Variants in LDB2 observed in about 807,000 individuals in gnomAD.
LDB2 encodes LIM domain binding 2, also known as LIM domain-binding protein 2.
A neutral mutation model predicts 44.3 loss-of-function variants in LDB2; 12 were observed. The ratio of observed to expected loss-of-function variants is 0.27; its 90% confidence interval spans 0.17 to 0.44. The LOEUF (loss-of-function observed/expected upper bound fraction) is 0.44. LDB2 is among the 20% of genes least tolerant of loss of function. LDB2 has a pLI of 1.00. For synonymous variants in LDB2, 164 were observed against 174.8 expected (o/e 0.94, Z 0.49); for missense variants, 344 against 473.5 (o/e 0.73, Z 2.54).
intron 2 of LDB2, among the ~76,000 whole-genome samples, chr4:16,661,395 G>C (rs1053878746): frequency 2.0e-5 from 3 of 152,160 alleles, no homozygotes; most frequent in Non-Finnish European, 4.4e-5. Flanking sequence ...AGAACTGGTT[G>C]AGAAATGGAC....
chr4:16,830,045 C>T (rs1321883805), intron 1 of LDB2, among the ~76,000 whole-genome samples: 1 of 151,884 alleles, frequency 6.6e-6, no homozygotes, highest in African/African-American at 2.4e-5. Flanking sequence ...GTGGAGGTTG[C>T]AATGGGCTGA....
intron 2 of LDB2, among the ~76,000 whole-genome samples, chr4:16,645,462 G>C (rs563160211): frequency 6.6e-6 from 1 of 150,698 alleles, no homozygotes; most frequent in Non-Finnish European, 1.5e-5. Context: ...GCGTGAACCC[G>C]GGAAGCGGAG....
At chr4:16,728,292 G>A (rs1433910478) in intron 2 of LDB2, among the ~76,000 whole-genome samples, 2 of 152,142 alleles carry the variant, frequency 1.3e-5, no homozygotes, top group Admixed American at 1.3e-4. Context: ...CTTAAATGAG[G>A]AGCTGTCCCT....
intron 1 of LDB2, among the ~76,000 whole-genome samples, chr4:16,863,824 C>T (rs1393180213): frequency 2.0e-5 from 3 of 152,148 alleles, no homozygotes; most frequent in Non-Finnish European, 4.4e-5. Context: ...CCACGCCCGG[C>T]TAATTTTTTG....
chr4:16,644,922 C>T (rs1283964189), intron 2 of LDB2, among the ~76,000 whole-genome samples: 2 of 152,200 alleles, frequency 1.3e-5, no homozygotes, highest in Admixed American at 1.3e-4. Flanking sequence ...TGTTACTATT[C>T]TAGGTATCTT....
At chr4:16,720,915 G>T (rs534669834) in intron 2 of LDB2, among the ~76,000 whole-genome samples, 1 of 152,094 alleles carries the variant, frequency 6.6e-6, no homozygotes, top group Non-Finnish European at 1.5e-5. Context: ...GCAGTCTAAA[G>T]ATAGACTAGG....
At chr4:16,648,306 G>A (rs111370368) in intron 2 of LDB2, among the ~76,000 whole-genome samples, 3 of 152,258 alleles carry the variant, frequency 2.0e-5, no homozygotes, top group South Asian at 2.1e-4. Context: ...AAAGGAAGAC[G>A]GTGTCAACCA....
At position 16,838,234 on chromosome 4, in the gene LDB2, C is replaced by T. The variant is rs538012844; in HGVS notation, c.132+60120G>A. Among the ~76,000 whole-genome samples, 27 of 152,254 alleles carry T rather than the reference C, an allele frequency of 1.8e-4. No homozygotes were observed. The East Asian group carries it at 2.1e-3, about 12-fold the overall frequency. ...ATCGAAAGGCACATTCCAGGTCCTACGCTAGGAGAGGGTGACCTTCTCCCT... is the reference window on the plus strand; with the variant it reads ...ATCGAAAGGCACATTCCAGGTCCTATGCTAGGAGAGGGTGACCTTCTCCCT... On this transcript the variant is annotated intron_variant, in intron 1 of 7. Coordinates refer to ENST00000304523, the MANE Select transcript of LDB2 (RefSeq NM_001290.5).
chr4:16,524,236 T>C (rs988351330), intron 5 of LDB2, among the ~76,000 whole-genome samples: 2 of 152,162 alleles, frequency 1.3e-5, no homozygotes, highest in Non-Finnish European at 1.5e-5. Flanking sequence ...CGGGATGCAA[T>C]GGTGAACACA....
chr4:16,732,292 A>G (rs1760916570), intron 2 of LDB2, among the ~76,000 whole-genome samples: 1 of 152,164 alleles, frequency 6.6e-6, no homozygotes, highest in Admixed American at 6.5e-5. Flanking sequence ...ATACACCCTA[A>G]AATGGTAAAG....
At chr4:16,503,277 C>T (rs940539871) in intron 7 of LDB2, 13 of 752,938 alleles carry the variant, frequency 1.7e-5, no homozygotes, top group Non-Finnish European at 2.6e-5. Flanking sequence ...TATTTAGGGC[C>T]TGTGAGTGGC....
chr4:16,612,704 GTAAT>G (rs1726015501), intron 2 of LDB2, among the ~76,000 whole-genome samples: 1 of 152,148 alleles, frequency 6.6e-6, no homozygotes, highest in African/African-American at 2.4e-5. Context: ...AATTTAGGCA[GTAAT>G]TAATAGCCTA....
rs142235113 is a variant in LDB2 at position 16,651,089 on chromosome 4, T to C, written c.236-55214A>G. ...TGAAATTTTGCCTAGGGACTATCTG[T>C]ATTGTTAAGCAATTTTGAGAATGAC... On this transcript the variant is annotated intron_variant, in intron 2 of 7. Coordinates refer to ENST00000304523, the MANE Select transcript of LDB2 (RefSeq NM_001290.5). The C allele has an allele frequency of 2.8e-3, 424 of 152,350 alleles. 1 individual carries two copies. The highest frequency in any genetic ancestry group is 9.9e-3 in the African/African-American group (413 of 41,582). The allele number at this position is 152,350 out of a possible 1,614,324, so 9.4% of individuals were successfully genotyped here.
chr4:16,759,190 G>A lies in LDB2; in HGVS notation c.203C>T (p.Ser68Leu), dbSNP rs187718529. 6.2e-7 allele frequency: 1 copy of A among 1,613,920 alleles called. No individual in the cohort carries two copies. Among genetic ancestry groups the A allele is most frequent in the East Asian group, 2.2e-5 (1 of 44,876 alleles). Residue 68 changes from serine to leucine, a missense_variant, in exon 2 of 8, where the codon TCA becomes TTA. Physicochemically the swap from Ser to Leu is moderately radical, Grantham distance 145. Around this residue, in one of 3 missense-constraint regions of LDB2, gnomAD observed 226 missense variants for 270.1 expected, o/e 0.84. Transcript: ENST00000304523. ...FFEDDATLTL[S>L]FCLEDGPKRY... ...CTTTGGTCCATCTTCCAAACAAAAT[G>A]AAAGGGTTAATGTGGCGTCATCTTC...
chr4:16,516,001 C>T (rs1016693551), intron 5 of LDB2, among the ~76,000 whole-genome samples: 5 of 152,056 alleles, frequency 3.3e-5, no homozygotes, highest in African/African-American at 4.8e-5. Context: ...GTAGCTGAGA[C>T]TACAGGCGCC....
intron 2 of LDB2, among the ~76,000 whole-genome samples, chr4:16,747,145 G>A (rs1290114248): frequency 6.6e-6 from 1 of 152,150 alleles, no homozygotes; most frequent in African/African-American, 2.4e-5. Flanking sequence ...ACTCGGGGCT[G>A]GTGGACCATT....
At chr4:16,736,323 T>C (rs1761908969) in intron 2 of LDB2, among the ~76,000 whole-genome samples, 1 of 152,210 alleles carries the variant, frequency 6.6e-6, no homozygotes, top group African/African-American at 2.4e-5. Context: ...AATAGGGAAA[T>C]TAGACTCAAC....
At chr4:16,532,507 C>A (rs1730485861) in intron 5 of LDB2, among the ~76,000 whole-genome samples, 1 of 152,184 alleles carries the variant, frequency 6.6e-6, no homozygotes, top group Non-Finnish European at 1.5e-5. Flanking sequence ...TGACAAACTT[C>A]AGGCATTTAT....
chr4:16,770,772 G>C (rs986669346), intron 1 of LDB2, among the ~76,000 whole-genome samples: 5 of 152,014 alleles, frequency 3.3e-5, no homozygotes, highest in Non-Finnish European at 7.4e-5. Flanking sequence ...CAAACATGGA[G>C]ACATGTACTC....
Sources: gnomAD v4.1 joint callset for allele counts (sites outside exome capture counted in the v4.1 genomes callset) on GRCh38, gnomAD v4.1.1 for gene constraint, gnomAD v4.1.1 regional missense constraint, MANE v1.5 for transcripts, NCBI Gene and HGNC (gene_info 2026-07-23, HGNC 2026-07-21) for gene names.